Variants in SESTD1 observed in about 807,000 individuals in gnomAD.
SESTD1 encodes SEC14 and spectrin domain containing 1, also known as SEC14 domain and spectrin repeat-containing protein 1.
In SESTD1, 43 loss-of-function variants were observed where a neutral mutation model predicts 101.7. The ratio of observed to expected loss-of-function variants is 0.42; its 90% confidence interval spans 0.33 to 0.55. The LOEUF (loss-of-function observed/expected upper bound fraction) is 0.55. Among genes scored for constraint, SESTD1 ranks in the 20% least tolerant of loss-of-function variants. The pLI is 0.07. For missense variants in SESTD1, 647 were observed against 815.1 expected (o/e 0.79, Z 2.51); for synonymous variants, 283 against 286.8 (o/e 0.99, Z 0.13).
chr2:179,197,307 C>G, intron 1 of SESTD1, among the ~76,000 whole-genome samples: 1 of 151,860 alleles, frequency 6.6e-6, no homozygotes, highest in Non-Finnish European at 1.5e-5. Context: ...TATGGGACTA[C>G]GTGAAAAGAC....
At chr2:179,175,764 A>C (rs1396701043) in intron 4 of SESTD1, among the ~76,000 whole-genome samples, 1 of 152,194 alleles carries the variant, frequency 6.6e-6, no homozygotes, top group African/African-American at 2.4e-5. Context: ...TAAATCAACA[A>C]ATGTCTACTG....
chr2:179,198,524 A>G (rs1405154636), intron 1 of SESTD1, among the ~76,000 whole-genome samples: 2 of 152,056 alleles, frequency 1.3e-5, no homozygotes, highest in African/African-American at 4.8e-5. Flanking sequence ...ACCACACCAC[A>G]CCTATTCCAA....
intron 3 of SESTD1, among the ~76,000 whole-genome samples, chr2:179,180,167 C>T (rs2046082662): frequency 6.6e-6 from 1 of 152,162 alleles, no homozygotes; most frequent in Non-Finnish European, 1.5e-5. Flanking sequence ...TGCTTCCATT[C>T]TCAACTGTGC....
intron 9 of SESTD1, among the ~76,000 whole-genome samples, chr2:179,140,417 T>C (rs1427246286): frequency 6.6e-6 from 1 of 151,970 alleles, no homozygotes; most frequent in Non-Finnish European, 1.5e-5. Flanking sequence ...GAGAAGACAA[T>C]GTGAAGACAG....
At position 179,146,472 on chromosome 2, in the gene SESTD1, A is replaced by C. The variant is rs1210514356; in HGVS notation, c.582-15T>G. On this transcript the variant is annotated splice_polypyrimidine_tract_variant and intron_variant, in intron 7 of 17. Transcript: ENST00000428443. The stretch of plus-strand genomic sequence containing the variant: ...AATCCACAGACCTGGAAAACACCAA[A>C]GGAGTAATTTTCAAAAGGCATATTT... 4.4e-6 allele frequency: 7 copies of C among 1,606,462 alleles called. No homozygotes were observed. The highest frequency in any genetic ancestry group is 5.9e-6 in the Non-Finnish European group (7 of 1,177,036).
At chr2:179,253,920 AT>A (rs36035128) in intron 1 of SESTD1, among the ~76,000 whole-genome samples, 40,672 of 151,590 alleles carry the variant, frequency 0.27, 5,862 homozygotes, top group South Asian at 0.39. Context: ...GCAACATGGC[AT>A]AAACCCTGAG....
At chr2:179,157,375 A>AT (rs1457560835) in intron 5 of SESTD1, among the ~76,000 whole-genome samples, 3 of 152,186 alleles carry the variant, frequency 2.0e-5, no homozygotes, top group African/African-American at 7.2e-5. Context: ...CAATTCTAAA[A>AT]TTCATATGGA....
intron 9 of SESTD1, among the ~76,000 whole-genome samples, chr2:179,138,600 T>C (rs186962589): frequency 4.6e-5 from 7 of 152,170 alleles, no homozygotes; most frequent in Non-Finnish European, 1.0e-4. Flanking sequence ...ACAAAAACTA[T>C]CACAAAGGAC....
intron 1 of SESTD1, among the ~76,000 whole-genome samples, chr2:179,240,904 C>T (rs376986487): frequency 1.1e-4 from 17 of 152,194 alleles, no homozygotes; most frequent in African/African-American, 3.1e-4. Context: ...TTAGAATGAT[C>T]TGACAATGAT....
chr2:179,145,742 T>C (rs558574246), intron 8 of SESTD1, among the ~76,000 whole-genome samples: 23 of 152,324 alleles, frequency 1.5e-4, no homozygotes, highest in Middle Eastern at 3.4e-3. Flanking sequence ...GAGAGCTTAA[T>C]AGTTACTTGA....
intron 5 of SESTD1, among the ~76,000 whole-genome samples, chr2:179,155,571 G>A (rs780530639): frequency 6.6e-6 from 1 of 151,536 alleles, no homozygotes; most frequent in Non-Finnish European, 1.5e-5. Context: ...AGCTATGATC[G>A]TGCCACTGCA....
At chr2:179,190,474 G>A (rs561983124) in intron 2 of SESTD1, among the ~76,000 whole-genome samples, 69 of 152,030 alleles carry the variant, frequency 4.5e-4, no homozygotes, top group African/African-American at 1.7e-3. Flanking sequence ...CTGAGTATCG[G>A]CCTCAGAAAA....
At chr2:179,197,592 C>T (rs200348140) in intron 1 of SESTD1, among the ~76,000 whole-genome samples, 1 of 152,218 alleles carries the variant, frequency 6.6e-6, no homozygotes, top group Non-Finnish European at 1.5e-5. Flanking sequence ...GGAAGCCCAT[C>T]AGACTAACAG....
At chr2:179,117,983 T>C (rs1471264640) in intron 13 of SESTD1, among the ~76,000 whole-genome samples, 1 of 152,148 alleles carries the variant, frequency 6.6e-6, no homozygotes, top group Non-Finnish European at 1.5e-5. Context: ...AGGATGATAT[T>C]TTTTTGAGAC....
chr2:179,261,948 C>T (rs1320520209), intron 1 of SESTD1, among the ~76,000 whole-genome samples: 3 of 151,946 alleles, frequency 2.0e-5, no homozygotes, highest in Admixed American at 6.6e-5. Context: ...TTTATTATGG[C>T]CAAAAAGTAG....
chr2:179,146,692 T>C (rs538178231), intron 7 of SESTD1, among the ~76,000 whole-genome samples: 2 of 152,084 alleles, frequency 1.3e-5, no homozygotes, highest in East Asian at 1.9e-4. Context: ...TGGAAAAATA[T>C]AGTTTACTGT....
At position 179,214,390 on chromosome 2, in the gene SESTD1, C is replaced by T. The variant is rs1015256245; in HGVS notation, c.-25-22524G>A. ...AGATCAAAACAGACAAAGAAGGCCACTACGTAATGGTAAAGGAATGGTAAA... is the reference window on the plus strand; with the variant it reads ...AGATCAAAACAGACAAAGAAGGCCATTACGTAATGGTAAAGGAATGGTAAA... On this transcript the variant is annotated intron_variant, in intron 1 of 17. Coordinates refer to ENST00000428443, the MANE Select transcript of SESTD1 (RefSeq NM_178123.5). 1.3e-4 allele frequency among the ~76,000 whole-genome samples: 17 copies of T among 134,092 alleles called. 4 individuals are homozygous for T. The highest frequency in any genetic ancestry group is 4.4e-4 in the African/African-American group (15 of 33,818). 88.0% of individuals were successfully genotyped at this position (134,092 alleles called of 152,430 possible). A position where few individuals can be genotyped will look rare whatever the true frequency, so the allele number is the denominator to read the frequency against.
intron 4 of SESTD1, among the ~76,000 whole-genome samples, chr2:179,174,677 T>C (rs1456715896): frequency 1.7e-4 from 26 of 152,192 alleles, no homozygotes. Context: ...CTATGTCCTT[T>C]CTAACCCAAA....
intron 1 of SESTD1, among the ~76,000 whole-genome samples, chr2:179,257,457 G>A (rs940827904): frequency 1.1e-4 from 17 of 152,194 alleles, no homozygotes; most frequent in African/African-American, 4.1e-4. Context: ...AAACTACAGT[G>A]TGAACATAAC....
Sources: allele counts gnomAD v4.1 joint callset (sites outside exome capture counted in the v4.1 genomes callset), GRCh38; gene constraint gnomAD v4.1.1; transcripts MANE v1.5; gene names NCBI Gene and HGNC (gene_info 2026-07-23, HGNC 2026-07-21).